LARP1: variants seen among roughly 807,000 people sequenced by gnomAD.
The protein encoded by LARP1 is la-related protein 1.
Under a neutral mutation model 122.7 loss-of-function variants are expected in LARP1, and 36 were observed. That is an observed-to-expected ratio of 0.29 (90% CI 0.22 to 0.39). The LOEUF (loss-of-function observed/expected upper bound fraction) is 0.39. Ranked by LOEUF, LARP1 falls within the 10% of genes least tolerant of loss-of-function variation. The pLI, the probability that LARP1 is intolerant of heterozygous loss-of-function variation, is 1.00. For missense variants in LARP1, 1,040 were observed against 1,403.6 expected, an observed-to-expected ratio of 0.74 and a Z score of 4.14; for synonymous variants, 539 against 528.7, an observed-to-expected ratio of 1.02 and a Z score of -0.27.
At chr5:154,763,137 C>G (rs35879162) in intron 1 of LARP1, among the ~76,000 whole-genome samples, 1 of 151,264 alleles carries the variant, frequency 6.6e-6, no homozygotes, top group South Asian at 2.1e-4. Context: ...CTCAGCTCAC[C>G]GCAACCTATG....
chr5:154,796,102 T>TA (rs1757802142), intron 8 of LARP1, among the ~76,000 whole-genome samples: 1 of 123,090 alleles, frequency 8.1e-6, no homozygotes, highest in Non-Finnish European at 1.6e-5. Flanking sequence ...ATTTTATATA[T>TA]TTATATATAG....
intron 1 of LARP1, among the ~76,000 whole-genome samples, chr5:154,778,520 A>G (rs1300468797): frequency 6.6e-6 from 1 of 152,186 alleles, no homozygotes; most frequent in Non-Finnish European, 1.5e-5. Context: ...AATGCATGCC[A>G]AAAATCTTAA....
At chr5:154,777,047 T>C (rs1357484726) in intron 1 of LARP1, among the ~76,000 whole-genome samples, 1 of 152,228 alleles carries the variant, frequency 6.6e-6, no homozygotes, top group Non-Finnish European at 1.5e-5. Flanking sequence ...CGTATGAACC[T>C]AGAGTGTACG....
At chr5:154,789,281 G>A (rs896599721) in intron 1 of LARP1, among the ~76,000 whole-genome samples, 2 of 134,434 alleles carry the variant, frequency 1.5e-5, no homozygotes, top group Non-Finnish European at 3.1e-5. Flanking sequence ...GTGCAATGAC[G>A]TTATCTCGGC....
At chr5:154,795,458 T>A in intron 8 of LARP1, 139 bp downstream of exon 8, 1 of 738,146 alleles carries the variant, frequency 1.4e-6, no homozygotes, top group Non-Finnish European at 2.2e-6. Context: ...GCTAGTCTCC[T>A]CCTCTCCCTC....
At chr5:154,760,565 A>G (rs1376618891) in intron 1 of LARP1, among the ~76,000 whole-genome samples, 1 of 152,216 alleles carries the variant, frequency 6.6e-6, no homozygotes, top group African/African-American at 2.4e-5. Flanking sequence ...GCCAGACATT[A>G]TGTGCCTTAC....
intron 1 of LARP1, among the ~76,000 whole-genome samples, chr5:154,746,301 G>T (rs547661504): frequency 6.6e-6 from 1 of 152,330 alleles, no homozygotes; most frequent in Admixed American, 6.5e-5. Flanking sequence ...TCCTGTGTTT[G>T]ACTGAGCGAC....
intron 1 of LARP1, among the ~76,000 whole-genome samples, chr5:154,761,839 AT>A (rs1257874010): frequency 6.6e-6 from 1 of 152,162 alleles, no homozygotes; most frequent in African/African-American, 2.4e-5. Context: ...GTGACCTTAG[AT>A]TGTTTGTCTA....
At chr5:154,807,264 CT>C (rs897876311) in intron 15 of LARP1, among the ~76,000 whole-genome samples, 43 of 152,180 alleles carry the variant, frequency 2.8e-4, no homozygotes, top group African/African-American at 1.0e-3. Flanking sequence ...GTTGTTTCTA[CT>C]TTTTGTCTAT....
chr5:154,732,931 C>T (rs1403395664), intron 1 of LARP1, among the ~76,000 whole-genome samples: 1 of 152,078 alleles, frequency 6.6e-6, no homozygotes, highest in African/African-American at 2.4e-5. Flanking sequence ...ATTGCCCTAC[C>T]CTCAGATTGA....
chr5:154,752,647 A>T (rs1404035414), upstream of LARP1, among the ~76,000 whole-genome samples: 4 of 151,528 alleles, frequency 2.6e-5, no homozygotes, highest in Non-Finnish European at 5.9e-5. Flanking sequence ...TAAGCCTAAG[A>T]TGTTGTCTCG....
chr5:154,704,773 A>G (rs1236401489), intron 1 of LARP1, among the ~76,000 whole-genome samples: 1 of 152,028 alleles, frequency 6.6e-6, no homozygotes, highest in Non-Finnish European at 1.5e-5. Flanking sequence ...TCCACAATCT[A>G]TAAGGGGACT....
intron 1 of LARP1, among the ~76,000 whole-genome samples, chr5:154,740,413 AG>A (rs377200800): frequency 0.055 from 8,207 of 148,554 alleles, 459 homozygotes; most frequent in African/African-American, 0.15. Flanking sequence ...AAAAAAAAAA[AG>A]ATTAAATTAC....
At chr5:154,809,338 C>T (rs1582485969) in intron 16 of LARP1, among the ~76,000 whole-genome samples, 1 of 150,834 alleles carries the variant, frequency 6.6e-6, no homozygotes. Context: ...AAAAGACCTC[C>T]CCACACCCCC....
chr5:154,767,477 C>T (rs1755046634), intron 1 of LARP1, among the ~76,000 whole-genome samples: 1 of 152,156 alleles, frequency 6.6e-6, no homozygotes. Flanking sequence ...CGTGAACTCT[C>T]AGAGCCAGTT....
chr5:154,803,857 C>T lies in LARP1; in HGVS notation c.2439+112C>T, dbSNP rs1582467510. 8 of 1,114,762 alleles carry T rather than the reference C, an allele frequency of 7.2e-6. No individual in the cohort carries two copies. The highest frequency in any genetic ancestry group is 7.9e-6 in the Non-Finnish European group (6 of 761,140). 69.1% of individuals were successfully genotyped at this position (1,114,762 alleles called of 1,614,324 possible). On this transcript the variant is annotated intron_variant, in intron 13 of 18. Coordinates refer to ENST00000518297, the MANE Select transcript of LARP1 (RefSeq NM_033551.3). The surrounding 1 kb of genome is among the most constrained non-coding windows in gnomAD (Gnocchi z 4.4). ...GCTAAGGAAGTGCTAAATCCTTCAC[C>T]TGCTCTGTGTTCTGAGGCTGGTGGG... is the stretch of plus-strand genomic sequence containing the variant.
chr5:154,804,383 A>T, intron 14 of LARP1, 76 bp downstream of exon 14: 1 of 1,082,180 alleles, frequency 9.2e-7, no homozygotes, highest in Non-Finnish European at 1.4e-6. Context: ...TGACTGGACC[A>T]AGAAGATTGG....
At chr5:154,719,088 C>T (rs1313264789) in intron 1 of LARP1, among the ~76,000 whole-genome samples, 2 of 152,134 alleles carry the variant, frequency 1.3e-5, no homozygotes, top group Non-Finnish European at 2.9e-5. Flanking sequence ...AAGATTAGGA[C>T]CTAGGAGTCC....
chr5:154,761,094 T>G (rs1198193055), intron 1 of LARP1, among the ~76,000 whole-genome samples: 7 of 152,220 alleles, frequency 4.6e-5, no homozygotes. Flanking sequence ...AGAAGCAATA[T>G]AGTGTGAATC....
Sources: gnomAD v4.1 joint callset for allele counts (sites outside exome capture counted in the v4.1 genomes callset) on GRCh38, gnomAD v4.1.1 for gene constraint, Gnocchi (gnomAD v3.1) non-coding constraint, MANE v1.5 for transcripts, NCBI Gene and HGNC (gene_info 2026-07-23, HGNC 2026-07-21) for gene names.